The following ALG13 variants were observed in gnomAD, a reference collection of about 807,000 sequenced individuals.
The protein encoded by ALG13 is UDP-N-acetylglucosamine transferase subunit ALG13.
A neutral mutation model predicts 87.8 loss-of-function variants in ALG13; 11 were observed. The ratio of observed to expected loss-of-function variants is 0.13; its 90% CI spans 0.08 to 0.21. The LOEUF (loss-of-function observed/expected upper bound fraction) is 0.21. Among genes scored for constraint, ALG13 ranks in the 10% least tolerant of loss-of-function variants. The probability of loss-of-function intolerance (pLI) is 1.00; values close to 1 mark genes in which losing one functional copy is unlikely to be tolerated. For missense variants in ALG13, 756 were observed against 866.1 expected (o/e 0.87, Z 1.60); for synonymous variants, 320 against 306.3 (o/e 1.04, Z -0.47).
At chrX:111,743,488 TAG>T (rs988982830) in intron 23 of ALG13, among the ~76,000 whole-genome samples, 1 of 111,903 alleles carries the variant, frequency 8.9e-6, no homozygotes, top group African/African-American at 3.2e-5. Flanking sequence ...GACAAATGCG[TAG>T]AGTTGTGTAA....
At chrX:111,752,934 C>A in intron 25 of ALG13, 104 bp downstream of exon 25, 1 of 551,043 alleles carries the variant, frequency 1.8e-6, no homozygotes, top group East Asian at 3.8e-5. Context: ...ACTAAGGGGA[C>A]TAAACATTTT....
At chrX:111,684,127 T>A (rs761531397) in intron 2 of ALG13, among the ~76,000 whole-genome samples, 72 of 111,542 alleles carry the variant, frequency 6.5e-4, no homozygotes, top group African/African-American at 2.3e-3. Context: ...GTTTTACACT[T>A]GGAGTATTTA....
chrX:111,681,668 A>C, intron 1 of ALG13: 1 of 885,301 alleles, frequency 1.1e-6, no homozygotes, highest in Non-Finnish European at 1.4e-6. Context: ...GTTTTTCCTC[A>C]GGCCCCCCTG....
intron 1 of ALG13, 90 bp downstream of exon 1, chrX:111,681,389 C>T: frequency 8.4e-7 from 1 of 1,184,762 alleles, no homozygotes; most frequent in South Asian, 1.8e-5. Flanking sequence ...GCCTGACCGT[C>T]GCGCTCGGAA....
chrX:111,708,847 C>T, intron 4 of ALG13, 118 bp from the exon 5 acceptor site: 1 of 434,307 alleles, frequency 2.3e-6, no homozygotes, highest in Non-Finnish European at 3.8e-6. Flanking sequence ...TTTAATTTCC[C>T]AATTTCCTAC....
At chrX:111,704,466 A>G (rs1938406228) in intron 3 of ALG13, among the ~76,000 whole-genome samples, 1 of 112,220 alleles carries the variant, frequency 8.9e-6, no homozygotes, top group Admixed American at 9.4e-5. Context: ...CTATCAACTA[A>G]TGAATGGATA....
chrX:111,681,493 G>A, intron 1 of ALG13, 194 bp downstream of exon 1: 1 of 1,038,437 alleles, frequency 9.6e-7, no homozygotes, highest in Non-Finnish European at 1.2e-6. Flanking sequence ...CCGGCCACTC[G>A]GGGTTGCCTG....
intron 2 of ALG13, among the ~76,000 whole-genome samples, chrX:111,683,388 G>A (rs1478091148): frequency 7.3e-5 from 7 of 96,512 alleles, no homozygotes; most frequent in African/African-American, 2.8e-4. Context: ...GGAATGCAGT[G>A]ATGCTATCTC....
intron 5 of ALG13, among the ~76,000 whole-genome samples, chrX:111,710,795 C>G (rs1211522841): frequency 8.9e-6 from 1 of 112,078 alleles, no homozygotes; most frequent in Admixed American, 9.4e-5. Flanking sequence ...CTCCTGGGTT[C>G]ATGCCATTCT....
rs771778284 is a variant in ALG13 at position 111,744,859 on chromosome X, C to T, written c.2887C>T (p.Pro963Ser). The change falls in exon 24 of 27, where the codon CCT (proline) becomes TCT (serine). Residue 963 changes from proline to serine, a missense_variant. Coordinates refer to ENST00000394780, the MANE Select transcript of ALG13 (RefSeq NM_001099922.3). ...CTTACAACCACCACCACCACTACCA[C>T]CTCCACCTTATTCCTGTGATCCAAG... ...SNLQPPPPLP[P>S]PPYSCDPSGS... is the part of the protein sequence containing the mutation. 2.5e-6 allele frequency: 3 copies of T among 1,207,753 alleles called. No individual in the cohort carries two copies. Among genetic ancestry groups the T allele is most frequent in the Non-Finnish European group, 3.4e-6 (3 of 894,079 alleles).
chrX:111,736,910 G>T (rs1333352755), intron 23 of ALG13, 31 bp downstream of exon 23: 1 of 1,156,451 alleles, frequency 8.6e-7, no homozygotes, highest in Non-Finnish European at 1.2e-6. Flanking sequence ...TACTTTGGAA[G>T]CCTCTTTTCC....
At position 111,708,230 on chromosome X, in the gene ALG13, C is replaced by T; in HGVS notation, c.587C>T (p.Pro196Leu). Residue 196 changes from proline (P) to leucine (L), a missense_variant, in exon 4 of 27, where the codon CCT (proline) becomes CTT (leucine). Physicochemically the swap from Pro to Leu is moderately conservative, Grantham distance 98. Transcript: ENST00000394780. ...FPSCHAFFPLPLTPTLYKMHK... is the reference protein window; with the variant it reads ...FPSCHAFFPLLLTPTLYKMHK... ...TCTTGCCACGCTTTTTTTCCTCTCC[C>T]TCTTACCCCCACCCTGTACAAAATG... is the stretch of plus-strand genomic sequence containing the variant. 1 of 1,211,567 alleles carries T rather than the reference C, an allele frequency of 8.3e-7. No individual in the cohort carries two copies. The highest frequency in any genetic ancestry group is 1.1e-6 in the Non-Finnish European group (1 of 895,389).
At chrX:111,697,917 T>A (rs1393831142) in intron 3 of ALG13, among the ~76,000 whole-genome samples, 1 of 112,367 alleles carries the variant, frequency 8.9e-6, no homozygotes, top group East Asian at 2.8e-4. Flanking sequence ...CCCTTGGAGC[T>A]GTAAAATTCC....
At chrX:111,688,877 G>T in intron 3 of ALG13, 2 of 752,242 alleles carry the variant, frequency 2.7e-6, no homozygotes, top group Non-Finnish European at 3.1e-6. Context: ...GTGGTCTCAA[G>T]ACCTTTACAG....
intron 3 of ALG13, chrX:111,686,033 A>G (rs1934845359): frequency 2.1e-6 from 1 of 484,948 alleles, no homozygotes; most frequent in East Asian, 4.6e-5. Flanking sequence ...TAAGCAGAGA[A>G]ATTATGGTAA....
intron 3 of ALG13, chrX:111,690,417 TTTGGGATGACC>T (rs1373315926): frequency 1.3e-6 from 1 of 747,167 alleles, no homozygotes; most frequent in Non-Finnish European, 1.6e-6. Context: ...GATGTGATGT[TTTGGGATGACC>T]TTGGGAATTA....
At chrX:111,697,101 T>C (rs1602575874) in intron 3 of ALG13, among the ~76,000 whole-genome samples, 1 of 109,888 alleles carries the variant, frequency 9.1e-6, no homozygotes, top group East Asian at 2.9e-4. Flanking sequence ...ATATACAGTG[T>C]CTTTTGTATT....
intron 19 of ALG13, among the ~76,000 whole-genome samples, chrX:111,728,855 A>G (rs916196592): frequency 2.7e-5 from 3 of 111,466 alleles, no homozygotes; most frequent in African/African-American, 9.8e-5. Flanking sequence ...TATTTTACAT[A>G]TGAGGAAATT....
intron 25 of ALG13, among the ~76,000 whole-genome samples, chrX:111,753,542 C>G (rs986998354): frequency 9.0e-6 from 1 of 111,528 alleles, no homozygotes; most frequent in African/African-American, 3.3e-5. Flanking sequence ...ATAGATAGAC[C>G]ATTAGCCAGG....
Sources: gnomAD v4.1 joint callset for allele counts (sites outside exome capture counted in the v4.1 genomes callset) on GRCh38, gnomAD v4.1.1 for gene constraint, MANE v1.5 for transcripts, NCBI Gene and HGNC (gene_info 2026-07-23, HGNC 2026-07-21) for gene names.